SLC8A1: variants seen among roughly 807,000 people sequenced by gnomAD.
SLC8A1 encodes sodium/calcium exchanger 1.
In SLC8A1, 18 loss-of-function variants were observed where a neutral mutation model predicts 68.3. That is an observed-to-expected ratio of 0.26 (90% CI 0.18 to 0.39). SLC8A1 has a LOEUF of 0.39. SLC8A1 is among the 10% of genes least tolerant of loss of function. SLC8A1 has a pLI of 1.00. For synonymous variants in SLC8A1, 475 were observed against 415.5 expected, an observed-to-expected ratio of 1.14 and a Z score of -1.74; for missense variants, 985 against 1,156.7, an observed-to-expected ratio of 0.85 and a Z score of 2.15.
At chr2:40,473,871 CTT>C (rs1704132807) in intron 1 of SLC8A1, among the ~76,000 whole-genome samples, 1 of 152,164 alleles carries the variant, frequency 6.6e-6, no homozygotes, top group African/African-American at 2.4e-5. Flanking sequence ...GAACCAAATT[CTT>C]CCACTTTGAA....
chr2:40,244,173 G>T (rs2061549927), intron 2 of SLC8A1, among the ~76,000 whole-genome samples: 1 of 152,044 alleles, frequency 6.6e-6, no homozygotes. Flanking sequence ...AGCTTTCCTG[G>T]TATCTCCTCA....
intron 2 of SLC8A1, among the ~76,000 whole-genome samples, chr2:40,327,878 C>G (rs954191699): frequency 1.3e-5 from 2 of 151,724 alleles, no homozygotes; most frequent in South Asian, 4.2e-4. Context: ...AACAAACCTG[C>G]ACATGTACCC....
chr2:40,193,073 G>A (rs368066798), intron 2 of SLC8A1, among the ~76,000 whole-genome samples: 1 of 152,136 alleles, frequency 6.6e-6, no homozygotes, highest in East Asian at 1.9e-4. Context: ...CTCACTGTCT[G>A]TACTTGAGTT....
intron 4 of SLC8A1, 37 bp from the exon 7 acceptor site, chr2:40,170,386 A>T: frequency 6.4e-7 from 1 of 1,559,022 alleles, no homozygotes; most frequent in East Asian, 2.2e-5. Flanking sequence ...AGCAGAATGG[A>T]TTGCATTGAT....
intron 2 of SLC8A1, among the ~76,000 whole-genome samples, chr2:40,306,773 C>T (rs17025800): frequency 0.22 from 33,719 of 152,036 alleles, 4,083 homozygotes; most frequent in East Asian, 0.38. Flanking sequence ...CCAGGCTCCA[C>T]GGCTGGTTGG....
At chr2:40,245,828 T>G (rs2061793748) in intron 2 of SLC8A1, among the ~76,000 whole-genome samples, 1 of 152,190 alleles carries the variant, frequency 6.6e-6, no homozygotes, top group Non-Finnish European at 1.5e-5. Flanking sequence ...TCTCGTAGAA[T>G]GGTAAGAGGT....
At chr2:40,423,103 G>A (rs1207495557) in intron 2 of SLC8A1, among the ~76,000 whole-genome samples, 1 of 152,070 alleles carries the variant, frequency 6.6e-6, no homozygotes, top group Non-Finnish European at 1.5e-5. Context: ...GTTGGTTTAA[G>A]TACCCTTATA....
intron 5 of SLC8A1, among the ~76,000 whole-genome samples, chr2:40,163,671 C>A (rs1475418706): frequency 6.6e-6 from 1 of 151,996 alleles, no homozygotes; most frequent in Non-Finnish European, 1.5e-5. Flanking sequence ...AGCATTGGTT[C>A]CACTGTTTAC....
intron 2 of SLC8A1, chr2:40,213,057 T>C (rs536512472): frequency 7.7e-4 from 118 of 152,352 alleles, no homozygotes; most frequent in African/African-American, 2.7e-3. Context: ...TACTATGCCA[T>C]AGCTTTAAGT....
intron 2 of SLC8A1, among the ~76,000 whole-genome samples, chr2:40,318,815 A>G (rs765700691): frequency 2.6e-5 from 4 of 152,126 alleles, no homozygotes; most frequent in Non-Finnish European, 5.9e-5. Context: ...AGCTATATCA[A>G]GTGCCTACTG....
At chr2:40,376,778 T>C (rs910505269) in intron 2 of SLC8A1, among the ~76,000 whole-genome samples, 1 of 152,126 alleles carries the variant, frequency 6.6e-6, no homozygotes, top group Non-Finnish European at 1.5e-5. Context: ...TAGCAGATTC[T>C]ATATGTCCTT....
At chr2:40,464,734 T>A (rs988726643) in intron 1 of SLC8A1, among the ~76,000 whole-genome samples, 2 of 152,110 alleles carry the variant, frequency 1.3e-5, no homozygotes, top group South Asian at 4.1e-4. Context: ...GACTCTACCA[T>A]AGGACACAGG....
exon 8 of SLC8A1, chr2:40,098,940 T>C (rs1354678926): frequency 6.6e-6 from 1 of 152,060 alleles, no homozygotes; most frequent in Non-Finnish European, 1.5e-5. Context: ...ACGTTTCGTT[T>C]AGGCCATTTT....
At chr2:40,119,056 T>C (rs1216261555) in intron 7 of SLC8A1, among the ~76,000 whole-genome samples, 1 of 152,096 alleles carries the variant, frequency 6.6e-6, no homozygotes, top group Non-Finnish European at 1.5e-5. Flanking sequence ...TAGGCTGACA[T>C]GGAGGGCACA....
intron 4 of SLC8A1, 95 bp downstream of exon 7, chr2:40,170,186 C>G (rs1404895961): frequency 9.3e-7 from 1 of 1,079,868 alleles, no homozygotes; most frequent in Non-Finnish European, 1.4e-6. Flanking sequence ...CAATGTTTTA[C>G]AGAGGAGAGG....
At chr2:40,211,194 T>A (rs1052942301) in intron 2 of SLC8A1, among the ~76,000 whole-genome samples, 39 of 152,370 alleles carry the variant, frequency 2.6e-4, no homozygotes, top group African/African-American at 8.2e-4. Context: ...TTCCTTTTAA[T>A]TATTTTACTG....
chr2:40,204,972 C>T (rs1390969947), intron 2 of SLC8A1, among the ~76,000 whole-genome samples: 1 of 151,940 alleles, frequency 6.6e-6, no homozygotes, highest in East Asian at 1.9e-4. Context: ...ATCTTCTTTC[C>T]ATTGTTCACA....
intron 6 of SLC8A1, among the ~76,000 whole-genome samples, chr2:40,148,601 C>T (rs186866330): frequency 3.4e-4 from 52 of 152,272 alleles, no homozygotes; most frequent in East Asian, 1.5e-3. Flanking sequence ...GATTTTTTAA[C>T]GAGATCTCAG....
chr2:40,153,937 A>C (rs976120186), intron 6 of SLC8A1, among the ~76,000 whole-genome samples: 5 of 152,220 alleles, frequency 3.3e-5, no homozygotes, highest in Non-Finnish European at 5.9e-5. Context: ...TGAGATTAAA[A>C]GACTTGTTAA....
Sources: gnomAD v4.1 joint callset for allele counts (sites outside exome capture counted in the v4.1 genomes callset) on GRCh38, gnomAD v4.1.1 for gene constraint, MANE v1.5 for transcripts, NCBI Gene and HGNC (gene_info 2026-07-23, HGNC 2026-07-21) for gene names.